CCNF: variants seen among roughly 807,000 people sequenced by gnomAD.
CCNF encodes cyclin F.
A neutral mutation model predicts 85.4 loss-of-function variants in CCNF; 30 were observed. The observed-to-expected ratio is 0.35, with a 90% confidence interval of 0.26 to 0.48. The LOEUF (loss-of-function observed/expected upper bound fraction) is 0.48, where lower values mean the gene tolerates loss of function less well. Among genes scored for constraint, CCNF ranks in the 20% least tolerant of loss-of-function variants. The pLI, the probability that CCNF is intolerant of heterozygous loss-of-function variation, is 0.99. For missense variants in CCNF, 919 were observed against 1,010.4 expected (o/e 0.91, Z 1.23); for synonymous variants, 439 against 425.1 (o/e 1.03, Z -0.40).
At chr16:2,443,913 C>G in intron 9 of CCNF, 113 bp downstream of exon 9, 1 of 883,926 alleles carries the variant, frequency 1.1e-6, no homozygotes, top group East Asian at 2.8e-5. Context: ...GCATAGAGTT[C>G]CCTTATCACC....
intron 5 of CCNF, chr16:2,437,630 T>G: frequency 2.8e-6 from 1 of 356,220 alleles, no homozygotes; most frequent in South Asian, 4.6e-5. Flanking sequence ...GGCTCACGCC[T>G]GTCATCCTAG....
At chr16:2,455,200 A>G (rs965642015) in intron 15 of CCNF, among the ~76,000 whole-genome samples, 195 bp from the exon 16 acceptor site, 3 of 151,946 alleles carry the variant, frequency 2.0e-5, no homozygotes, top group Non-Finnish European at 4.4e-5. Context: ...AGTTTGCCTG[A>G]GCTGTCCTCC....
intron 9 of CCNF, among the ~76,000 whole-genome samples, chr16:2,444,778 G>A (rs1257884522): frequency 6.6e-6 from 1 of 152,068 alleles, no homozygotes; most frequent in Non-Finnish European, 1.5e-5. Flanking sequence ...TGTATTTTTA[G>A]TAGAGACAGG....
intron 11 of CCNF, 64 bp downstream of exon 11, chr16:2,449,042 G>GGGGGCC: frequency 1.5e-6 from 1 of 683,612 alleles, no homozygotes; most frequent in Non-Finnish European, 2.7e-6. Context: ...GTGGGGGTGG[G>GGGGGCC]CATTCAGCTT....
At position 2,455,423 on chromosome 16, in the gene CCNF, A is replaced by C; in HGVS notation, c.1744A>C (p.Arg582=). 6.3e-7 allele frequency: 1 copy of C among 1,589,418 alleles called. No individual in the cohort carries two copies. ...GCGGGAGAACAGCCTCCAGGAAGAC[A>C]GAGGCAGCTTCGTTACCACCCCCAC... ...RKRENSLQED[R]GSFVTTPTAE... Residue 582 remains arginine, a synonymous_variant, in exon 16 of 17, where the codon AGA becomes CGA. Coordinates refer to ENST00000397066, the MANE Select transcript of CCNF (RefSeq NM_001761.3).
At chr16:2,449,201 AC>A in intron 11 of CCNF, 80 bp from the exon 12 acceptor site, 1 of 1,536,754 alleles carries the variant, frequency 6.5e-7, no homozygotes, top group Non-Finnish European at 9.0e-7. Context: ...TCCGGGCCAG[AC>A]CCTGCGCTGG....
intron 1 of CCNF, among the ~76,000 whole-genome samples, chr16:2,430,692 GATCTTT>G (rs1440674991): frequency 6.6e-6 from 1 of 152,122 alleles, no homozygotes; most frequent in Non-Finnish European, 1.5e-5. Flanking sequence ...CAAGCCCACA[GATCTTT>G]ATTGAACATT....
chr16:2,448,253 C>T (rs559207587), intron 10 of CCNF, among the ~76,000 whole-genome samples: 10 of 152,348 alleles, frequency 6.6e-5, no homozygotes, highest in South Asian at 4.1e-4. Flanking sequence ...ACAGGCAAAT[C>T]TCTGTCCTTG....
intron 3 of CCNF, among the ~76,000 whole-genome samples, chr16:2,434,777 T>A (rs1156731511): frequency 3.9e-5 from 6 of 152,204 alleles, no homozygotes; most frequent in African/African-American, 1.2e-4. Context: ...CCCACAATCC[T>A]GGAAACTCTA....
At chr16:2,440,645 A>G (rs1486162200) in intron 8 of CCNF, among the ~76,000 whole-genome samples, 3 of 152,100 alleles carry the variant, frequency 2.0e-5, no homozygotes, top group Non-Finnish European at 4.4e-5. Context: ...CTATTTGCCA[A>G]ATGGATAGAA....
intron 5 of CCNF, 125 bp from the exon 6 acceptor site, chr16:2,437,945 T>A: frequency 1.7e-6 from 1 of 600,236 alleles, no homozygotes; most frequent in Non-Finnish European, 3.1e-6. Flanking sequence ...GGAGTGGCCC[T>A]CTGCAGGGGA....
In CCNF at chr16:2,437,328, T is replaced by C. The variant is rs1273817682; in HGVS notation, c.540+6T>C. The C allele has an allele frequency of 1.9e-6, 3 of 1,575,600 alleles. No individual in the cohort carries two copies. In the South Asian group the frequency reaches 3.4e-5, roughly 18 times the overall value. ...CAGAGTGCCAGCTGCAGAGGGTGAGTCTGGGCGAGGGGCAGCACCTGCGAG... is the reference window on the plus strand; with the variant it reads ...CAGAGTGCCAGCTGCAGAGGGTGAGCCTGGGCGAGGGGCAGCACCTGCGAG... On this transcript the variant is annotated splice_donor_region_variant and intron_variant, in intron 5 of 16. Transcript: ENST00000397066.
In CCNF at chr16:2,452,455, TC is replaced by T. The variant is rs755065212; in HGVS notation, c.1488-752del. On this transcript the variant is annotated intron_variant, in intron 13 of 16. Transcript: ENST00000397066. This position sits in a 1 kb window ranked among gnomAD's most constrained non-coding sequence, Gnocchi z 4.1. ...CTTTGCTTATGGGGAGCACAGATCG[TC>T]CCAACCCTGGCCACCAAAAGCTGTT... 5.9e-4 allele frequency: 90 copies of T among 152,458 alleles called. No individual in the cohort carries two copies. Among genetic ancestry groups the T allele is most frequent in the African/African-American group, 1.9e-3 (80 of 41,560 alleles). 9.4% of individuals were successfully genotyped at this position (152,458 alleles called of 1,614,324 possible).
At chr16:2,445,673 G>A in intron 10 of CCNF, 51 bp downstream of exon 10, 2 of 1,558,484 alleles carry the variant, frequency 1.3e-6, no homozygotes, top group East Asian at 4.6e-5. Context: ...CCTTTCCCGG[G>A]TTCAGGGTCA....
In CCNF at chr16:2,439,638, T is replaced by C; in HGVS notation, c.700-111T>C. ...GGTACCCCCAAAAATGACTCCACCA[T>C]TTGAGAGAGAAGAGGTGGGAAGTTA... On this transcript the variant is annotated intron_variant, in intron 7 of 16. Transcript: ENST00000397066. 8 of 1,005,506 alleles carry C rather than the reference T, an allele frequency of 8.0e-6. No homozygotes were observed. The Middle Eastern group carries it at 1.2e-3, about 154-fold the overall frequency. 62.3% of individuals were successfully genotyped at this position (1,005,506 alleles called of 1,614,324 possible). A position where few individuals can be genotyped will look rare whatever the true frequency, so the allele number is the denominator to read the frequency against.
At chr16:2,449,796 C>CCCCTCCATT (rs772856097) in intron 12 of CCNF, 32 bp from the exon 13 acceptor site, 2 of 682,280 alleles carry the variant, frequency 2.9e-6, no homozygotes, top group Admixed American at 2.0e-5. Flanking sequence ...TCCCCTCCAT[C>CCCCTCCATT]CCCTCCACCC....
At position 2,449,448 on chromosome 16, in the gene CCNF, T is replaced by C; in HGVS notation, c.1385T>C (p.Leu462Pro). The change falls in exon 12 of 17, where the codon CTG (leucine) becomes CCG (proline). Residue 462 changes from leucine to proline, a missense_variant. Leu to Pro is a moderately conservative substitution (Grantham distance 98, BLOSUM62 -3). Transcript: ENST00000397066. Reference sequence around the variant, plus strand: ...GCCGCAGCCCTGCTCCTGGCCAGACTGACGCACGGGCAGAGTAAGGAGTGG... The same window carrying C: ...GCCGCAGCCCTGCTCCTGGCCAGACCGACGCACGGGCAGAGTAAGGAGTGG... ...LAAAALLLARLTHGQTQPWTT... is the reference protein window; with the variant it reads ...LAAAALLLARPTHGQTQPWTT... 6.2e-7 allele frequency: 1 copy of C among 1,605,626 alleles called. No homozygotes were observed.
At position 2,456,479 on chromosome 16, in the gene CCNF, C is replaced by G. The variant is rs1332307353; in HGVS notation, c.1886-66C>G. ...TTGACCTGGACTTCAGGGTCCTGAC[C>G]TGGCAGGGGGTCTCCCCTGATGCTT... On this transcript the variant is annotated intron_variant, in intron 16 of 16. Coordinates refer to ENST00000397066, the MANE Select transcript of CCNF (RefSeq NM_001761.3). The surrounding 1 kb of genome is among the most constrained non-coding windows in gnomAD (Gnocchi z 4.5). The G allele has an allele frequency of 1.1e-5, 13 of 1,170,720 alleles. No homozygotes were observed. Among genetic ancestry groups the G allele is most frequent in the Non-Finnish European group, 1.5e-5 (13 of 848,484 alleles). 72.5% of individuals were successfully genotyped at this position (1,170,720 alleles called of 1,614,324 possible).
rs371901886 is a variant in CCNF at position 2,431,195 on chromosome 16, C to T, written c.82C>T (p.Arg28Ter). ...AAAGCGAAGAATAAGGAGGAGGCCC[C>T]GAAACCTGACCATCTTGAGTCTCCC... Reference protein sequence around the residue: ...PTKRRIRRRPRNLTILSLPED... With the variant: ...PTKRRIRRRP The change falls in exon 2 of 17, where the codon CGA (arginine) becomes TGA (stop). Residue 28 changes from arginine (R) to a stop codon, truncating the protein, a stop_gained. Transcript: ENST00000397066. LOFTEE classifies it high-confidence loss of function. The T allele has an allele frequency of 1.9e-6, 3 of 1,613,956 alleles. No individual in the cohort carries two copies. Among genetic ancestry groups the T allele is most frequent in the African/African-American group, 1.3e-5 (1 of 74,870 alleles).
Sources: gnomAD v4.1 joint callset for allele counts (sites outside exome capture counted in the v4.1 genomes callset) on GRCh38, gnomAD v4.1.1 for gene constraint, Gnocchi (gnomAD v3.1) non-coding constraint, MANE v1.5 for transcripts, NCBI Gene and HGNC (gene_info 2026-07-23, HGNC 2026-07-21) for gene names.